CD99L2: variants seen among roughly 807,000 people sequenced by gnomAD.
CD99L2 encodes CD99 molecule like 2.
A neutral mutation model predicts 27.3 loss-of-function variants in CD99L2; 24 were observed. That is an observed-to-expected ratio of 0.88 (90% CI 0.64 to 1.24). The LOEUF is 1.24. Among genes scored for constraint, CD99L2 ranks in the 50% most tolerant of loss-of-function variants. The pLI, the probability that CD99L2 is intolerant of heterozygous loss-of-function variation, is 0.00. For missense variants in CD99L2, 255 were observed against 221.6 expected (o/e 1.15, Z -0.96); for synonymous variants, 97 against 87.9 (o/e 1.10, Z -0.58).
chrX:150,824,659 A>T (rs986911304), intron 2 of CD99L2, among the ~76,000 whole-genome samples: 1 of 92,474 alleles, frequency 1.1e-5, no homozygotes, highest in African/African-American at 4.1e-5. Flanking sequence ...AAGAAGAAGA[A>T]GAAGAAGAGG....
At chrX:150,789,966 G>A (rs781882094) in intron 7 of CD99L2, among the ~76,000 whole-genome samples, 1 of 111,995 alleles carries the variant, frequency 8.9e-6, no homozygotes, top group Non-Finnish European at 1.9e-5. Flanking sequence ...GCAGGTGAAT[G>A]GATAAACAAA....
intron 1 of CD99L2, among the ~76,000 whole-genome samples, chrX:150,839,620 C>A (rs1229047856): frequency 9.0e-6 from 1 of 111,422 alleles, no homozygotes; most frequent in Non-Finnish European, 1.9e-5. Context: ...GTAATCCCAG[C>A]ACTTTGGAAG....
chrX:150,831,276 C>T lies in CD99L2; in HGVS notation c.85G>A (p.Asp29Asn). 8.3e-7 allele frequency: 1 copy of T among 1,199,725 alleles called. No individual in the cohort carries two copies. The highest frequency in any genetic ancestry group is 3.0e-5 in the East Asian group (1 of 33,730). The stretch of plus-strand genomic sequence containing the variant: ...TTCACTGCATCCTCCAGGTTAAAAT[C>T]ATCAAAGTCCCCAGATCCTAAAAAT... ...LVQRGSGDFD[D>N]FNLEDAVKET... The change falls in exon 2 of 11, where the codon GAT becomes AAT. Residue 29 changes from aspartate to asparagine, a missense_variant. Coordinates refer to ENST00000370377, the MANE Select transcript of CD99L2 (RefSeq NM_031462.4).
At chrX:150,771,789 GGCAAAGCA>G in intron 9 of CD99L2, 1 of 1,155,353 alleles carries the variant, frequency 8.7e-7, no homozygotes, top group East Asian at 3.3e-5. Flanking sequence ...AAGTGAGGAA[GGCAAAGCA>G]GCGTTACCTT....
At chrX:150,843,712 A>G (rs781886061) in intron 1 of CD99L2, among the ~76,000 whole-genome samples, 28 of 111,054 alleles carry the variant, frequency 2.5e-4, no homozygotes, top group Middle Eastern at 9.2e-3. Flanking sequence ...GTAGATGAAT[A>G]AGAAAGCATA....
In CD99L2 at chrX:150,767,761, GCTTT is replaced by G. The variant is rs2043336130; in HGVS notation, c.*1269_*1272del. 1 of 111,873 alleles carries G rather than the reference GCTTT, an allele frequency of 8.9e-6. No individual in the cohort carries two copies. Among genetic ancestry groups the G allele is most frequent in the Non-Finnish European group, 1.9e-5 (1 of 53,099 alleles). The allele number at this position is 111,873 out of a possible 1,213,427, so 9.2% of individuals were successfully genotyped here. On this transcript the variant is annotated 3_prime_UTR_variant, in exon 11 of 11. Coordinates refer to ENST00000370377, the MANE Select transcript of CD99L2 (RefSeq NM_031462.4). ...GTGACTCATATCTGCTTTCAGAAGT[GCTTT>G]CTGACACAGCAAACTGACTATCAGT... is the stretch of plus-strand genomic sequence containing the variant.
At chrX:150,895,571 C>T (rs782767446) in intron 1 of CD99L2, among the ~76,000 whole-genome samples, 2 of 111,180 alleles carry the variant, frequency 1.8e-5, no homozygotes, top group African/African-American at 3.3e-5. Flanking sequence ...TCTCAGCAGG[C>T]CTACCCAAAA....
intron 1 of CD99L2, among the ~76,000 whole-genome samples, chrX:150,844,390 CTT>C (rs1222894905): frequency 8.9e-6 from 1 of 111,942 alleles, no homozygotes; most frequent in Non-Finnish European, 1.9e-5. Flanking sequence ...ACAAATGTCT[CTT>C]TGGTGAAAAC....
chrX:150,849,612 G>T (rs2046758480), intron 1 of CD99L2, among the ~76,000 whole-genome samples: 1 of 111,538 alleles, frequency 9.0e-6, no homozygotes, highest in African/African-American at 3.3e-5. Context: ...AGCCCAGGAG[G>T]TTGAGGCTGC....
chrX:150,894,571 TTGTGTGTGTGTGTG>T (rs199941967), intron 1 of CD99L2, among the ~76,000 whole-genome samples: 6 of 99,836 alleles, frequency 6.0e-5, no homozygotes, highest in Non-Finnish European at 1.2e-4. Context: ...TTCTTTTGTT[TTGTGTGTGTGTGTG>T]TGTGTGTGTG....
In CD99L2 at chrX:150,767,521, C is replaced by T. The variant is rs1355340704; in HGVS notation, c.*1513G>A. The T allele has an allele frequency of 1.8e-5, 2 of 111,700 alleles. No individual in the cohort carries two copies. The highest frequency in any genetic ancestry group is 6.5e-5 in the African/African-American group (2 of 30,651). The allele number at this position is 111,700 out of a possible 1,213,427, so 9.2% of individuals were successfully genotyped here. A position where few individuals can be genotyped will look rare whatever the true frequency, so the allele number is the denominator to read the frequency against. The stretch of plus-strand genomic sequence containing the variant: ...TTGAGACGCACAGGGCTACAACTGA[C>T]CACCCTCCACCACAGGCATGTTTGC... On this transcript the variant is annotated 3_prime_UTR_variant, in exon 11 of 11. Coordinates refer to ENST00000370377, the MANE Select transcript of CD99L2 (RefSeq NM_031462.4).
chrX:150,772,395 G>A (rs1020224591), intron 9 of CD99L2, among the ~76,000 whole-genome samples: 13 of 112,816 alleles, frequency 1.2e-4, no homozygotes, highest in African/African-American at 1.6e-4. Context: ...CCTGCAGGGC[G>A]AGAGGAGCTA....
chrX:150,788,846 G>A (rs1603290129), intron 7 of CD99L2, among the ~76,000 whole-genome samples: 1 of 111,629 alleles, frequency 9.0e-6, no homozygotes, highest in Non-Finnish European at 1.9e-5. Context: ...CTCTTCCAAG[G>A]TGGCCGTACC....
chrX:150,885,474 C>G (rs1192859931), intron 1 of CD99L2, among the ~76,000 whole-genome samples: 1 of 112,033 alleles, frequency 8.9e-6, no homozygotes, highest in Non-Finnish European at 1.9e-5. Context: ...AAACTATATA[C>G]AGTTTGATGC....
intron 1 of CD99L2, among the ~76,000 whole-genome samples, chrX:150,892,663 G>GGT (rs2047537729): frequency 9.6e-6 from 1 of 104,389 alleles, no homozygotes; most frequent in Non-Finnish European, 2.0e-5. Context: ...GTATCTGGAA[G>GGT]GTATCTCTCC....
At position 150,793,715 on chromosome X, in the gene CD99L2, C is replaced by T. The variant is rs1345298653; in HGVS notation, c.472G>A (p.Glu158Lys). 8.3e-7 allele frequency: 1 copy of T among 1,199,673 alleles called. No individual in the cohort carries two copies. The highest frequency in any genetic ancestry group is 1.1e-6 in the Non-Finnish European group (1 of 890,006). ...KDLEDIVGGG[E>K]YKPDKGKGDG... Reference sequence around the variant, plus strand: ...CCTTTACCCTTGTCAGGTTTGTATTCTCCACCCCCTACTATGTCTTCAAGA... The same window carrying T: ...CCTTTACCCTTGTCAGGTTTGTATTTTCCACCCCCTACTATGTCTTCAAGA... The change falls in exon 7 of 11, where the codon GAA becomes AAA. Residue 158 changes from glutamate to lysine, a missense_variant. Transcript: ENST00000370377.
chrX:150,865,404 C>T (rs2047045814), intron 1 of CD99L2, among the ~76,000 whole-genome samples: 1 of 110,109 alleles, frequency 9.1e-6, no homozygotes, highest in South Asian at 3.9e-4. Flanking sequence ...TCGAGAGGCT[C>T]AGACAGGAGG....
intron 3 of CD99L2, among the ~76,000 whole-genome samples, chrX:150,815,779 T>C (rs2046144747): frequency 8.9e-6 from 1 of 112,113 alleles, no homozygotes; most frequent in African/African-American, 3.2e-5. Context: ...CCAAATGCAT[T>C]TTCCTCTTGA....
At chrX:150,896,325 G>A (rs188870261) in intron 1 of CD99L2, among the ~76,000 whole-genome samples, 187 of 111,958 alleles carry the variant, frequency 1.7e-3, no homozygotes, top group Admixed American at 0.016. Flanking sequence ...TTGAACCCAG[G>A]AGGCGAAGGT....
Sources: allele counts gnomAD v4.1 joint callset (sites outside exome capture counted in the v4.1 genomes callset), GRCh38; gene constraint gnomAD v4.1.1; transcripts MANE v1.5; gene names NCBI Gene and HGNC (gene_info 2026-07-23, HGNC 2026-07-21).